The following GIPC2 variants were observed in gnomAD, a reference collection of about 807,000 sequenced individuals.
The protein encoded by GIPC2 is GIPC PDZ domain containing family member 2.
Under a neutral mutation model 30.6 loss-of-function variants are expected in GIPC2, and 30 were observed. The ratio of observed to expected loss-of-function variants is 0.98; its 90% CI spans 0.73 to 1.33. GIPC2 has a LOEUF of 1.33. GIPC2 is among the 40% of genes most tolerant of loss of function. GIPC2 has a pLI of 0.00. For missense variants in GIPC2, 414 were observed against 390.3 expected, an observed-to-expected ratio of 1.06 and a Z score of -0.51; for synonymous variants, 167 against 150.0, an observed-to-expected ratio of 1.11 and a Z score of -0.83.
rs116706218 is a variant in GIPC2 at position 78,052,324 on chromosome 1, A to G, written c.240+5990A>G. On this transcript the variant is annotated intron_variant, in intron 1 of 5. Transcript: ENST00000370759. ...GTTTATGGTCTGCCCCCTTGCCCCAATAGAAGCTCCACAAAGGCAAGGATT... is the reference window on the plus strand; with the variant it reads ...GTTTATGGTCTGCCCCCTTGCCCCAGTAGAAGCTCCACAAAGGCAAGGATT... 1.3e-3 allele frequency among the ~76,000 whole-genome samples: 202 copies of G among 152,276 alleles called. 1 individual carries two copies. The highest frequency in any genetic ancestry group is 4.7e-3 in the African/African-American group (196 of 41,550).
intron 5 of GIPC2, among the ~76,000 whole-genome samples, chr1:78,130,391 C>T (rs779992833): frequency 9.9e-5 from 15 of 152,144 alleles, no homozygotes; most frequent in Non-Finnish European, 1.3e-4. Context: ...CATGAGCTAC[C>T]ATGCCGGGCC....
intron 1 of GIPC2, among the ~76,000 whole-genome samples, chr1:78,049,378 A>C (rs998997529): frequency 6.6e-6 from 1 of 152,116 alleles, no homozygotes; most frequent in African/African-American, 2.4e-5. Context: ...CTGGTCTTGA[A>C]TTGATATCCT....
At position 78,135,311 on chromosome 1, in the gene GIPC2, C is replaced by G. The variant is rs80015649; in HGVS notation, c.797-281C>G. ...GGATCTTGTTCTACCCATGGGAATG[C>G]CAGAGGTTCCCAACTGATGGGCTCC... is the stretch of plus-strand genomic sequence containing the variant. On this transcript the variant is annotated intron_variant, in intron 5 of 5. Transcript: ENST00000370759. Among the ~76,000 whole-genome samples, 1,076 of 152,164 alleles carry G rather than the reference C, an allele frequency of 7.1e-3. 11 individuals carry two copies. The highest frequency in any genetic ancestry group is 0.025 in the African/African-American group (1,039 of 41,506).
intron 3 of GIPC2, among the ~76,000 whole-genome samples, chr1:78,110,455 A>G (rs555581465): frequency 6.6e-6 from 1 of 152,368 alleles, no homozygotes; most frequent in South Asian, 2.1e-4. Context: ...TCTGTATACT[A>G]TATGTAACTG....
At chr1:78,094,926 T>G in intron 2 of GIPC2, 26 bp from the exon 3 acceptor site, 2 of 1,464,994 alleles carry the variant, frequency 1.4e-6, no homozygotes, top group Non-Finnish European at 1.9e-6. Flanking sequence ...CTATTTTATA[T>G]TATGTTATCA....
In GIPC2 at chr1:78,119,401, C is replaced by T. The variant is rs1355834571; in HGVS notation, c.616C>T (p.Leu206=). Residue 206 remains leucine, a synonymous_variant, in exon 4 of 6, where the codon CTG becomes TTG. Coordinates refer to ENST00000370759, the MANE Select transcript of GIPC2 (RefSeq NM_017655.6). ...TGTTCATTGTATTGTAGAAATAGAG[C>T]TGAGGTCAAAGGCTGGAAAGTCATC... The part of the protein sequence containing the change: ...IEPKKAFEIE[L]RSKAGKSSGE... 1 of 1,589,610 alleles carries T rather than the reference C, an allele frequency of 6.3e-7. No individual in the cohort carries two copies. The highest frequency in any genetic ancestry group is 8.6e-7 in the Non-Finnish European group (1 of 1,158,210).
intron 2 of GIPC2, among the ~76,000 whole-genome samples, chr1:78,087,036 G>C (rs1392982849): frequency 6.6e-6 from 1 of 152,134 alleles, no homozygotes; most frequent in Admixed American, 6.5e-5. Context: ...AGTAACACTG[G>C]TCTATGTGTA....
At chr1:78,068,473 C>G (rs1192405475) in intron 1 of GIPC2, among the ~76,000 whole-genome samples, 1 of 152,204 alleles carries the variant, frequency 6.6e-6, no homozygotes, top group Non-Finnish European at 1.5e-5. Context: ...CTGTCTTAGT[C>G]TCAGCATCTT....
At chr1:78,059,142 C>T (rs1477506672) in intron 1 of GIPC2, among the ~76,000 whole-genome samples, 2 of 152,268 alleles carry the variant, frequency 1.3e-5, no homozygotes, top group African/African-American at 2.4e-5. Flanking sequence ...TGGGCTTCAC[C>T]CCTACAGATT....
chr1:78,055,180 G>A (rs1191030364), intron 1 of GIPC2, among the ~76,000 whole-genome samples: 1 of 152,120 alleles, frequency 6.6e-6, no homozygotes, highest in African/African-American at 2.4e-5. Flanking sequence ...GCATCCTCAT[G>A]TAACAGAAGG....
At chr1:78,132,298 C>T (rs1320025590) in intron 5 of GIPC2, among the ~76,000 whole-genome samples, 2 of 152,144 alleles carry the variant, frequency 1.3e-5, no homozygotes, top group African/African-American at 2.4e-5. Context: ...ATGATGATTA[C>T]TATTAGTAGT....
At chr1:78,103,557 T>C (rs1377993720) in intron 3 of GIPC2, among the ~76,000 whole-genome samples, 1 of 152,230 alleles carries the variant, frequency 6.6e-6, no homozygotes, top group African/African-American at 2.4e-5. Context: ...AACTGAGGCT[T>C]GGGCAGTTAA....
intron 4 of GIPC2, among the ~76,000 whole-genome samples, chr1:78,125,137 C>A (rs1219847843): frequency 6.6e-6 from 1 of 152,148 alleles, no homozygotes; most frequent in Non-Finnish European, 1.5e-5. Flanking sequence ...CTCAAGTGAT[C>A]TTCCCACTTT....
intron 1 of GIPC2, among the ~76,000 whole-genome samples, chr1:78,051,248 A>G (rs1282940668): frequency 1.3e-5 from 2 of 152,252 alleles, no homozygotes; most frequent in African/African-American, 4.8e-5. Context: ...AATAACAAAG[A>G]AATATTATTA....
chr1:78,055,175 C>T (rs1661265723), intron 1 of GIPC2, among the ~76,000 whole-genome samples: 1 of 152,112 alleles, frequency 6.6e-6, no homozygotes, highest in South Asian at 2.1e-4. Context: ...TTGTTGCATC[C>T]TCATGTAACA....
chr1:78,095,492 G>A (rs1486663644), intron 3 of GIPC2, among the ~76,000 whole-genome samples: 1 of 152,162 alleles, frequency 6.6e-6, no homozygotes, highest in African/African-American at 2.4e-5. Context: ...CATAATAACT[G>A]TTGCTCATGG....
chr1:78,070,154 T>C (rs1661590336), intron 1 of GIPC2, among the ~76,000 whole-genome samples: 1 of 152,268 alleles, frequency 6.6e-6, no homozygotes, highest in South Asian at 2.1e-4. Context: ...TTTTGAGGTC[T>C]AATGGCAATC....
At chr1:78,051,517 T>C (rs2102634048) in intron 1 of GIPC2, among the ~76,000 whole-genome samples, 1 of 152,264 alleles carries the variant, frequency 6.6e-6, no homozygotes, top group East Asian at 1.9e-4. Context: ...TCTTTTTTTT[T>C]TGAAATGGAG....
rs1661063659 is a variant in GIPC2, at chr1:78,046,063, C to T, written c.-32C>T. 8 of 1,407,468 alleles carry T rather than the reference C, an allele frequency of 5.7e-6. No homozygotes were observed. The highest frequency in any genetic ancestry group is 7.4e-6 in the Non-Finnish European group (8 of 1,083,782). The allele number at this position is 1,407,468 out of a possible 1,614,324, so 87.2% of individuals were successfully genotyped here. On this transcript the variant is annotated 5_prime_UTR_variant, in exon 1 of 6. Coordinates refer to ENST00000370759, the MANE Select transcript of GIPC2 (RefSeq NM_017655.6). ...GGGGGGAGGAGGCGGCGGACGGCAG[C>T]GCAGGTGGGCCCGCGCTCTCGGCCC...
Sources: gnomAD v4.1 joint callset for allele counts (sites outside exome capture counted in the v4.1 genomes callset) on GRCh38, gnomAD v4.1.1 for gene constraint, MANE v1.5 for transcripts, NCBI Gene and HGNC (gene_info 2026-07-23, HGNC 2026-07-21) for gene names.